The following COG5 variants were observed in gnomAD, a reference collection of about 807,000 sequenced individuals.
COG5 encodes the protein component of oligomeric golgi complex 5.
COG5 carries 86 observed loss-of-function variants against 110.4 expected under a neutral mutation model. The ratio of observed to expected loss-of-function variants is 0.78; its 90% CI spans 0.65 to 0.93. The LOEUF is 0.93. Among genes scored for constraint, COG5 ranks in the 40% least tolerant of loss-of-function variants. The pLI is 0.00. For synonymous variants in COG5, 360 were observed against 334.6 expected (o/e 1.08, Z -0.83); for missense variants, 1,077 against 987.0 (o/e 1.09, Z -1.22).
At chr7:107,243,511 C>CAAAAAA (rs759045963) in intron 17 of COG5, among the ~76,000 whole-genome samples, 1 of 78,564 alleles carries the variant, frequency 1.3e-5, no homozygotes, top group African/African-American at 5.1e-5. Flanking sequence ...GACTCCATCT[C>CAAAAAA]AAAAAAAAAA....
At chr7:107,511,826 C>G (rs1451592699) in intron 6 of COG5, among the ~76,000 whole-genome samples, 1 of 152,092 alleles carries the variant, frequency 6.6e-6, no homozygotes, top group African/African-American at 2.4e-5. Flanking sequence ...GCAGAAAAGG[C>G]CTTTGACAAA....
chr7:107,405,120 T>A (rs1252519980), intron 7 of COG5, among the ~76,000 whole-genome samples: 2 of 152,156 alleles, frequency 1.3e-5, no homozygotes, highest in African/African-American at 4.8e-5. Flanking sequence ...AAGCAGGAGC[T>A]CCAGATCATG....
At chr7:107,451,626 G>T (rs538101141) in intron 6 of COG5, among the ~76,000 whole-genome samples, 7 of 151,938 alleles carry the variant, frequency 4.6e-5, no homozygotes, top group Admixed American at 3.3e-4. Context: ...AGACAAAACC[G>T]ACACTTCTTC....
Position 107,272,539 on chromosome 7 carries a change from G to A in COG5, c.1575+8761C>T, listed in dbSNP as rs143283175. On this transcript the variant is annotated intron_variant, in intron 14 of 21. Transcript: ENST00000297135. ...AAACTTTCTAAATTAACTGAGACCT[G>A]TCTCAGATATACGGGGTTCACAATT... 8.9e-3 allele frequency among the ~76,000 whole-genome samples: 1,351 copies of A among 152,254 alleles called. 28 individuals are homozygous for A. Among genetic ancestry groups the A allele is most frequent in the African/African-American group, 0.029 (1,207 of 41,542 alleles).
At chr7:107,430,001 G>A (rs1793907593) in intron 6 of COG5, among the ~76,000 whole-genome samples, 1 of 152,128 alleles carries the variant, frequency 6.6e-6, no homozygotes, top group Admixed American at 6.6e-5. Flanking sequence ...TATTTTGTAT[G>A]CAAGCACCCT....
chr7:107,383,884 G>A (rs764479617), intron 7 of COG5, among the ~76,000 whole-genome samples: 2 of 152,112 alleles, frequency 1.3e-5, no homozygotes, highest in Non-Finnish European at 2.9e-5. Flanking sequence ...CCTCCAAACT[G>A]CAAAGAATTT....
chr7:107,471,683 GA>G (rs1255616401), intron 6 of COG5: 1 of 151,966 alleles, frequency 6.6e-6, no homozygotes, highest in African/African-American at 2.4e-5. Context: ...ACTGATTCTG[GA>G]AGACATAATG....
At chr7:107,295,064 CACAT>C (rs1351779033) in intron 12 of COG5, among the ~76,000 whole-genome samples, 27 of 54,388 alleles carry the variant, frequency 5.0e-4, no homozygotes, top group African/African-American at 1.7e-3. Flanking sequence ...CACACACACA[CACAT>C]ATATATATAT....
At chr7:107,455,667 G>C (rs548661803) in intron 6 of COG5, among the ~76,000 whole-genome samples, 4 of 152,204 alleles carry the variant, frequency 2.6e-5, no homozygotes, top group Admixed American at 6.5e-5. Flanking sequence ...GAGAGACAGA[G>C]AAATGACTAG....
At chr7:107,321,105 A>G (rs1359179538) in intron 11 of COG5, among the ~76,000 whole-genome samples, 2 of 152,214 alleles carry the variant, frequency 1.3e-5, no homozygotes, top group Admixed American at 6.5e-5. Context: ...AACTACTAGA[A>G]TAAGTAAGAC....
intron 14 of COG5, among the ~76,000 whole-genome samples, chr7:107,262,744 A>T (rs992856770): frequency 5.9e-5 from 9 of 152,122 alleles, no homozygotes; most frequent in Middle Eastern, 3.4e-3. Flanking sequence ...TCAGTTGATG[A>T]CTTTGCTGTA....
At chr7:107,457,265 G>A (rs1795720621) in intron 6 of COG5, among the ~76,000 whole-genome samples, 1 of 150,850 alleles carries the variant, frequency 6.6e-6, no homozygotes, top group African/African-American at 2.4e-5. Flanking sequence ...CCTTAGAGGG[G>A]CTTAACAACA....
intron 10 of COG5, among the ~76,000 whole-genome samples, chr7:107,339,531 G>C (rs1224117289): frequency 6.6e-6 from 1 of 151,920 alleles, no homozygotes; most frequent in Non-Finnish European, 1.5e-5. Flanking sequence ...GGACCTAATA[G>C]ATATCTACAG....
At chr7:107,376,774 T>C (rs6942972) in intron 7 of COG5, among the ~76,000 whole-genome samples, 2,858 of 152,152 alleles carry the variant, frequency 0.019, 89 homozygotes, top group African/African-American at 0.064. Flanking sequence ...CATCGAGATT[T>C]TTAGAAATGC....
chr7:107,363,801 C>G (rs1813348778), intron 8 of COG5, among the ~76,000 whole-genome samples: 1 of 151,894 alleles, frequency 6.6e-6, no homozygotes, highest in South Asian at 2.1e-4. Flanking sequence ...GCTAAAAATA[C>G]AGAATTAGCC....
intron 6 of COG5, among the ~76,000 whole-genome samples, chr7:107,518,096 A>C (rs757951234): frequency 5.3e-5 from 8 of 152,182 alleles, no homozygotes; most frequent in Non-Finnish European, 1.0e-4. Flanking sequence ...TCCTTTCTAG[A>C]CAAGCAAATG....
intron 21 of COG5, among the ~76,000 whole-genome samples, chr7:107,205,828 C>G (rs199835810): frequency 6.6e-6 from 1 of 152,118 alleles, no homozygotes; most frequent in African/African-American, 2.4e-5. Context: ...GTATCAACAG[C>G]CTTGACTTAG....
At chr7:107,210,744 G>A (rs1230354606) in intron 20 of COG5, 139 bp from the exon 21 acceptor site, 2 of 980,656 alleles carry the variant, frequency 2.0e-6, no homozygotes, top group African/African-American at 1.6e-5. Context: ...TGTGAAGGGG[G>A]CATAGGCCTT....
chr7:107,526,490 A>C lies in COG5; in HGVS notation c.538+747T>G, dbSNP rs140335452. Among the ~76,000 whole-genome samples the C allele has an allele frequency of 6.0e-4, 92 of 152,384 alleles. 1 individual carries two copies. In the East Asian group the frequency reaches 6.6e-3, roughly 11 times the overall value. On this transcript the variant is annotated intron_variant, in intron 6 of 21. Transcript: ENST00000297135. ...CTGAGAAAAGAATGAACAAAGAAAT[A>C]AATTTTTAAAATCTTCTAGGCATAG... is the stretch of plus-strand genomic sequence containing the variant.
Sources: allele counts gnomAD v4.1 joint callset (sites outside exome capture counted in the v4.1 genomes callset), GRCh38; gene constraint gnomAD v4.1.1; transcripts MANE v1.5; gene names NCBI Gene and HGNC (gene_info 2026-07-23, HGNC 2026-07-21).